ARHGAP42: variants seen among roughly 807,000 people sequenced by gnomAD.
The protein encoded by ARHGAP42 is Rho GTPase activating protein 42.
A neutral mutation model predicts 125.0 loss-of-function variants in ARHGAP42; 63 were observed. The ratio of observed to expected loss-of-function variants is 0.50; its 90% CI spans 0.41 to 0.62. The LOEUF (loss-of-function observed/expected upper bound fraction) is 0.62. ARHGAP42 is among the 20% of genes least tolerant of loss of function. The probability of loss-of-function intolerance (pLI) is 0.00; values close to 1 mark genes in which losing one functional copy is unlikely to be tolerated. For synonymous variants in ARHGAP42, 339 were observed against 351.0 expected, an observed-to-expected ratio of 0.97 and a Z score of 0.38; for missense variants, 766 against 1,024.2, an observed-to-expected ratio of 0.75 and a Z score of 3.44.
At chr11:100,841,522 A>G (rs1397960711) in intron 3 of ARHGAP42, among the ~76,000 whole-genome samples, 2 of 152,154 alleles carry the variant, frequency 1.3e-5, no homozygotes, top group East Asian at 3.9e-4. Context: ...TTCATCCTTT[A>G]TTGTTATAAT....
At chr11:100,893,158 G>GGTGTGTGTGTGT (rs142725608) in intron 4 of ARHGAP42, among the ~76,000 whole-genome samples, 14,710 of 146,922 alleles carry the variant, frequency 0.1, 844 homozygotes, top group East Asian at 0.25. Context: ...AACATTTAGG[G>GGTGTGTGTGTGT]GTGTGTGTGT....
At chr11:100,942,104 G>A (rs1369184675) in intron 9 of ARHGAP42, among the ~76,000 whole-genome samples, 1 of 152,194 alleles carries the variant, frequency 6.6e-6, no homozygotes, top group Non-Finnish European at 1.5e-5. Flanking sequence ...AAGCAGTCGA[G>A]TTAAATGTAG....
At chr11:100,851,417 G>A (rs143765889) in intron 3 of ARHGAP42, among the ~76,000 whole-genome samples, 268 of 152,156 alleles carry the variant, frequency 1.8e-3, no homozygotes, top group African/African-American at 6.0e-3. Context: ...AATTCCTATC[G>A]CCTAATGACA....
At chr11:100,829,233 G>A (rs1257515807) in intron 3 of ARHGAP42, among the ~76,000 whole-genome samples, 3 of 151,928 alleles carry the variant, frequency 2.0e-5, no homozygotes, top group African/African-American at 4.8e-5. Flanking sequence ...GGTGGCTTCC[G>A]CCTGTAATCA....
At chr11:100,854,021 A>G (rs1865267742) in intron 3 of ARHGAP42, among the ~76,000 whole-genome samples, 1 of 152,128 alleles carries the variant, frequency 6.6e-6, no homozygotes, top group African/African-American at 2.4e-5. Flanking sequence ...CATAAAGTAA[A>G]AAATTTAAGC....
At chr11:100,983,313 C>G (rs1387670407) in intron 22 of ARHGAP42, among the ~76,000 whole-genome samples, 1 of 151,994 alleles carries the variant, frequency 6.6e-6, no homozygotes, top group African/African-American at 2.4e-5. Context: ...ATGATATTTT[C>G]CTAAAGAGTT....
chr11:100,979,292 A>T (rs1858471768), intron 22 of ARHGAP42, among the ~76,000 whole-genome samples: 1 of 152,220 alleles, frequency 6.6e-6, no homozygotes, highest in Non-Finnish European at 1.5e-5. Flanking sequence ...CATTTCCTAG[A>T]AGATAAAAAT....
chr11:100,869,243 G>T (rs534446492), intron 4 of ARHGAP42, among the ~76,000 whole-genome samples: 1 of 151,890 alleles, frequency 6.6e-6, no homozygotes, highest in African/African-American at 2.4e-5. Context: ...AAAGTAGAAG[G>T]TATCATCATT....
intron 1 of ARHGAP42, among the ~76,000 whole-genome samples, chr11:100,744,244 C>T (rs1172305399): frequency 6.6e-6 from 1 of 152,228 alleles, no homozygotes; most frequent in Non-Finnish European, 1.5e-5. Context: ...GATGGGATTA[C>T]AGGCGTGAGC....
At chr11:100,820,472 C>T (rs1164914362) in intron 3 of ARHGAP42, among the ~76,000 whole-genome samples, 2 of 152,012 alleles carry the variant, frequency 1.3e-5, no homozygotes, top group Non-Finnish European at 2.9e-5. Flanking sequence ...TTCAGATTTC[C>T]CTGGACAGAC....
chr11:100,785,550 G>A (rs999501405), intron 2 of ARHGAP42, among the ~76,000 whole-genome samples: 1 of 152,180 alleles, frequency 6.6e-6, no homozygotes, highest in Non-Finnish European at 1.5e-5. Flanking sequence ...CACTGGGCAA[G>A]GAAGTGGATG....
chr11:100,861,392 A>G (rs1865441675), intron 4 of ARHGAP42, among the ~76,000 whole-genome samples: 1 of 152,198 alleles, frequency 6.6e-6, no homozygotes, highest in Non-Finnish European at 1.5e-5. Flanking sequence ...AAGGGCAGTG[A>G]TAAGCAATAG....
At chr11:100,748,267 A>G (rs910306569) in intron 1 of ARHGAP42, among the ~76,000 whole-genome samples, 2 of 152,250 alleles carry the variant, frequency 1.3e-5, no homozygotes, top group Non-Finnish European at 2.9e-5. Flanking sequence ...GAGTGCAAAC[A>G]GCTCGCAGGT....
At chr11:100,733,942 T>TG (rs1555111712) in intron 1 of ARHGAP42, among the ~76,000 whole-genome samples, 64 of 139,842 alleles carry the variant, frequency 4.6e-4, no homozygotes, top group Middle Eastern at 3.6e-3. Context: ...TTTTTTTTTT[T>TG]TTTTTTTTTT....
intron 1 of ARHGAP42, among the ~76,000 whole-genome samples, chr11:100,709,200 C>A (rs1406427848): frequency 2.6e-5 from 4 of 152,110 alleles, no homozygotes; most frequent in African/African-American, 7.2e-5. Flanking sequence ...TCACTACGCC[C>A]AGCTAATTTT....
At chr11:100,972,606 G>A (rs948385813) in intron 17 of ARHGAP42, among the ~76,000 whole-genome samples, 1 of 152,112 alleles carries the variant, frequency 6.6e-6, no homozygotes, top group African/African-American at 2.4e-5. Context: ...AGGAGCTCAA[G>A]GAACCCACTG....
intron 4 of ARHGAP42, among the ~76,000 whole-genome samples, chr11:100,895,513 T>A (rs75000815): frequency 2.0e-5 from 3 of 146,934 alleles, no homozygotes. Context: ...TTTTTTTTTT[T>A]AATCCTAAGA....
intron 1 of ARHGAP42, among the ~76,000 whole-genome samples, chr11:100,761,055 A>C (rs1041790768): frequency 6.6e-6 from 1 of 152,178 alleles, no homozygotes; most frequent in African/African-American, 2.4e-5. Flanking sequence ...AAAGCAGGCC[A>C]GGCCACCCCT....
chr11:100,744,538 CTGTGTGTGTGTG>C (rs34640167), intron 1 of ARHGAP42, among the ~76,000 whole-genome samples: 3 of 148,534 alleles, frequency 2.0e-5, no homozygotes, highest in Non-Finnish European at 3.0e-5. Flanking sequence ...ATATTTTACT[CTGTGTGTGTGTG>C]TGTGTGTGTG....
Sources: allele counts gnomAD v4.1 joint callset (sites outside exome capture counted in the v4.1 genomes callset), GRCh38; gene constraint gnomAD v4.1.1; transcripts MANE v1.5; gene names NCBI Gene and HGNC (gene_info 2026-07-23, HGNC 2026-07-21).